CPVL: variants seen among roughly 807,000 people sequenced by gnomAD.
The protein encoded by CPVL is carboxypeptidase vitellogenic like.
Under a neutral mutation model 63.7 loss-of-function variants are expected in CPVL, and 51 were observed. The observed-to-expected ratio is 0.80, with a 90% CI of 0.64 to 1.01. CPVL has a LOEUF of 1.01. Ranked by LOEUF, CPVL falls within the 50% of genes least tolerant of loss-of-function variation. The pLI is 0.00. For missense variants in CPVL, 530 were observed against 573.1 expected (o/e 0.92, Z 0.77); for synonymous variants, 195 against 206.0 (o/e 0.95, Z 0.46).
chr7:29,184,453 G>A (rs1232966155), exon 4 of CPVL: 2 of 152,122 alleles, frequency 1.3e-5, no homozygotes, highest in Non-Finnish European at 2.9e-5. Flanking sequence ...TCTGCAGGAT[G>A]ACTTGGCATG....
chr7:29,183,081 CTT>C (rs34942216), intron 4 of CPVL, among the ~76,000 whole-genome samples: 309 of 131,830 alleles, frequency 2.3e-3, no homozygotes, highest in African/African-American at 3.5e-3. Context: ...ACATGGCAGA[CTT>C]TTTTTTTTTT....
chr7:29,193,190 T>G (rs980258758), intron 1 of CPVL: 1 of 152,140 alleles, frequency 6.6e-6, no homozygotes, highest in African/African-American at 2.4e-5. Context: ...CCTTTAACAG[T>G]TTAGCAAGGT....
At chr7:29,164,712 C>T (rs1189901376) in intron 5 of CPVL, among the ~76,000 whole-genome samples, 3 of 127,240 alleles carry the variant, frequency 2.4e-5, no homozygotes, top group East Asian at 5.0e-4. Context: ...ACCTGGGAGG[C>T]GGAGGTTGCA....
At chr7:29,059,842 G>A (rs1791100030) in intron 11 of CPVL, among the ~76,000 whole-genome samples, 1 of 152,082 alleles carries the variant, frequency 6.6e-6, no homozygotes, top group Admixed American at 6.5e-5. Flanking sequence ...TCCATGGAGG[G>A]TTCTACTTAC....
At chr7:29,024,214 G>C (rs936501457) in intron 12 of CPVL, among the ~76,000 whole-genome samples, 1 of 152,074 alleles carries the variant, frequency 6.6e-6, no homozygotes, top group African/African-American at 2.4e-5. Context: ...ATATAATCAA[G>C]AGCTTCAATA....
intron 12 of CPVL, among the ~76,000 whole-genome samples, chr7:29,004,135 C>T (rs931159308): frequency 1.3e-5 from 2 of 152,170 alleles, no homozygotes; most frequent in African/African-American, 2.4e-5. Context: ...ATAAAATAAT[C>T]TACTATTATC....
chr7:29,098,168 G>A (rs1451933755), intron 3 of CPVL, among the ~76,000 whole-genome samples: 1 of 152,222 alleles, frequency 6.6e-6, no homozygotes, highest in Non-Finnish European at 1.5e-5. Context: ...CTGAGTGGAT[G>A]CGTTCCATTG....
intron 12 of CPVL, among the ~76,000 whole-genome samples, chr7:29,030,097 G>A (rs973313313): frequency 6.6e-5 from 10 of 152,184 alleles, no homozygotes; most frequent in Non-Finnish European, 1.5e-4. Flanking sequence ...AACACTTGAA[G>A]AGGACATTGC....
chr7:29,093,148 G>C (rs1470495420), intron 5 of CPVL, among the ~76,000 whole-genome samples: 1 of 152,054 alleles, frequency 6.6e-6, no homozygotes, highest in Non-Finnish European at 1.5e-5. Flanking sequence ...CACTTTGGGA[G>C]GCTGAGGCGG....
rs935968332 is a variant in CPVL, at chr7:29,091,255, G to T, written c.542+1368C>A. ...GCAACTGGAAGCTGTAACTGTCTTT[G>T]GGGGAGGGGAAGGAAAGACAGAAAC... On this transcript the variant is annotated intron_variant, in intron 6 of 12. Coordinates refer to ENST00000265394, the MANE Select transcript of CPVL (RefSeq NM_031311.5). Among the ~76,000 whole-genome samples, 5 of 152,304 alleles carry T rather than the reference G, an allele frequency of 3.3e-5. No homozygotes were observed. In the East Asian group the frequency reaches 9.7e-4, roughly 29 times the overall value.
intron 6 of CPVL, among the ~76,000 whole-genome samples, chr7:29,090,277 T>C (rs1391558357): frequency 1.3e-5 from 2 of 152,200 alleles, no homozygotes; most frequent in Non-Finnish European, 2.9e-5. Context: ...ATCCTGGCAG[T>C]GCTGCTCTGT....
At chr7:29,083,791 C>A (rs1681316302) in intron 7 of CPVL, among the ~76,000 whole-genome samples, 1 of 152,150 alleles carries the variant, frequency 6.6e-6, no homozygotes, top group African/African-American at 2.4e-5. Context: ...CCTTAACTAA[C>A]ACACCCTTAT....
At chr7:29,023,962 AAAC>A (rs556825013) in intron 12 of CPVL, among the ~76,000 whole-genome samples, 143 of 152,390 alleles carry the variant, frequency 9.4e-4, no homozygotes, top group African/African-American at 2.8e-3. Context: ...ATGTGTAAAA[AAAC>A]AATAATTCCC....
intron 5 of CPVL, among the ~76,000 whole-genome samples, chr7:29,169,773 C>T (rs959574112): frequency 6.6e-6 from 1 of 151,812 alleles, no homozygotes; most frequent in Non-Finnish European, 1.5e-5. Context: ...GCTGGTGTGC[C>T]TATAGACCTT....
intron 11 of CPVL, among the ~76,000 whole-genome samples, chr7:29,061,943 CAAA>C (rs558152536): frequency 2.2e-4 from 23 of 104,120 alleles, no homozygotes; most frequent in East Asian, 5.3e-4. Flanking sequence ...AACTCTATCT[CAAA>C]AAAAAAAAAA....
chr7:29,060,497 TTC>T (rs746081466), intron 11 of CPVL, among the ~76,000 whole-genome samples: 1 of 152,256 alleles, frequency 6.6e-6, no homozygotes, highest in Non-Finnish European at 1.5e-5. Context: ...AACAGATTGT[TTC>T]TCTTTCTAGT....
chr7:29,075,488 A>G (rs192943904), intron 7 of CPVL, among the ~76,000 whole-genome samples: 2 of 148,580 alleles, frequency 1.3e-5, no homozygotes, highest in East Asian at 2.0e-4. Flanking sequence ...ATTTCAGTCA[A>G]CGAAATCTTT....
chr7:29,062,525 T>G (rs1054071295), intron 11 of CPVL, among the ~76,000 whole-genome samples: 1 of 152,190 alleles, frequency 6.6e-6, no homozygotes, highest in African/African-American at 2.4e-5. Context: ...ATATAATTGG[T>G]CTTAAACTAT....
chr7:29,002,394 G>C (rs940307557), intron 12 of CPVL, among the ~76,000 whole-genome samples: 2 of 152,116 alleles, frequency 1.3e-5, no homozygotes, highest in African/African-American at 4.8e-5. Context: ...CTTTATCAAG[G>C]TGATATGCCT....
Sources: gnomAD v4.1 joint callset for allele counts (sites outside exome capture counted in the v4.1 genomes callset) on GRCh38, gnomAD v4.1.1 for gene constraint, MANE v1.5 for transcripts, NCBI Gene and HGNC (gene_info 2026-07-23, HGNC 2026-07-21) for gene names.